The following PCDH11Y variants were observed in gnomAD, a reference collection of about 807,000 sequenced individuals.
PCDH11Y encodes the protein protocadherin 11 Y-linked.
For missense variants in PCDH11Y, 12 were observed against 224.8 expected (o/e 0.05, Z 6.05); for synonymous variants, 9 against 83.6 (o/e 0.11, Z 4.87).
chrY:5,729,080 T>C, intron 4 of PCDH11Y, among the ~76,000 whole-genome samples: 1 of 33,583 alleles, frequency 3.0e-5, no homozygotes, highest in African/African-American at 1.2e-4. Context: ...TGTGTCAACA[T>C]GCAAGTGCAT....
intron 2 of PCDH11Y, among the ~76,000 whole-genome samples, chrY:5,112,112 C>T (rs1299894640): frequency 3.0e-5 from 1 of 33,468 alleles, no homozygotes; most frequent in Non-Finnish European, 7.4e-5. Context: ...CATTATGCCT[C>T]GTTTCTAAAC....
At position 5,308,833 on chromosome Y, in the gene PCDH11Y, CA is replaced by C. The variant is rs776180263; in HGVS notation, c.3130-192223del. Among the ~76,000 whole-genome samples, 149 of 33,307 alleles carry C rather than the reference CA, an allele frequency of 4.5e-3. No individual in the cohort carries two copies. The East Asian group carries it at 0.065, about 15-fold the overall frequency. 89.4% of individuals were successfully genotyped at this position (33,307 alleles called of 37,273 possible). On this transcript the variant is annotated intron_variant, in intron 2 of 4. Coordinates refer to the PCDH11Y transcript ENST00000400457. ...CAGTGGCTAACGCCTGTAATCCCAG[CA>C]CTTTGGGAGGCTGAAGAGAATGAAT...
At chrY:5,575,696 G>A (rs2124696845) in intron 3 of PCDH11Y, among the ~76,000 whole-genome samples, 10 of 33,650 alleles carry the variant, frequency 3.0e-4, no homozygotes, top group Admixed American at 1.3e-3. Flanking sequence ...TCAAAGCTTC[G>A]AAATTGGGTA....
chrY:5,138,289 C>A, intron 2 of PCDH11Y, among the ~76,000 whole-genome samples: 1 of 32,949 alleles, frequency 3.0e-5, no homozygotes, highest in South Asian at 6.7e-4. Context: ...GCATTAAATG[C>A]TTACATCAAA....
intron 4 of PCDH11Y, among the ~76,000 whole-genome samples, chrY:5,613,319 T>C (rs2053490006): frequency 3.2e-5 from 1 of 31,628 alleles, no homozygotes; most frequent in South Asian, 7.1e-4. Context: ...CATTTCGCTA[T>C]TTTGCATATT....
intron 2 of PCDH11Y, among the ~76,000 whole-genome samples, chrY:5,132,464 C>T (rs2052835205): frequency 3.2e-5 from 1 of 31,406 alleles, no homozygotes; most frequent in African/African-American, 1.2e-4. Flanking sequence ...TTCACATATG[C>T]GGTGAAATGT....
At chrY:5,174,139 G>GATATAT (rs771513755) in intron 2 of PCDH11Y, among the ~76,000 whole-genome samples, 30 of 9,845 alleles carry the variant, frequency 3.0e-3, no homozygotes, top group East Asian at 9.1e-3. Flanking sequence ...ATACAAATGT[G>GATATAT]ATATATATAT....
At chrY:5,664,689 G>A in intron 4 of PCDH11Y, among the ~76,000 whole-genome samples, 1 of 28,111 alleles carries the variant, frequency 3.6e-5, no homozygotes, top group African/African-American at 1.4e-4. Context: ...TGTAAGCTCC[G>A]CTTCCCGGGT....
chrY:5,310,399 G>C, intron 2 of PCDH11Y, among the ~76,000 whole-genome samples: 2 of 33,118 alleles, frequency 6.0e-5, no homozygotes, highest in Admixed American at 5.7e-4. Context: ...GTCTAGTACA[G>C]TAACTAGTAG....
chrY:5,487,386 A>G (rs2053334954), intron 2 of PCDH11Y, among the ~76,000 whole-genome samples: 1 of 31,837 alleles, frequency 3.1e-5, no homozygotes, highest in African/African-American at 1.2e-4. Flanking sequence ...TTTAGTAGAG[A>G]CAGGGTTTCA....
intron 3 of PCDH11Y, among the ~76,000 whole-genome samples, chrY:5,033,563 C>T: frequency 6.0e-4 from 12 of 19,967 alleles, no homozygotes; most frequent in Non-Finnish European, 9.6e-4. Flanking sequence ...TAATGTAATA[C>T]GCTTAAAAAT....
intron 3 of PCDH11Y, among the ~76,000 whole-genome samples, chrY:5,562,210 T>C: frequency 3.0e-5 from 1 of 33,720 alleles, no homozygotes; most frequent in Admixed American, 2.7e-4. Flanking sequence ...TTACCAAGCT[T>C]AACAAGTGTT....
At chrY:5,620,721 T>A (rs2053498583) in intron 4 of PCDH11Y, among the ~76,000 whole-genome samples, 1 of 33,518 alleles carries the variant, frequency 3.0e-5, no homozygotes, top group South Asian at 6.8e-4. Context: ...CATGCTGGCT[T>A]CATCCCTGGG....
At chrY:5,694,739 G>A in intron 4 of PCDH11Y, among the ~76,000 whole-genome samples, 1 of 32,043 alleles carries the variant, frequency 3.1e-5, no homozygotes, top group Non-Finnish European at 7.7e-5. Context: ...TAAAGTGTGA[G>A]CTTATTATTC....
chrY:5,571,721 TG>T (rs2053439424), intron 3 of PCDH11Y, among the ~76,000 whole-genome samples: 1 of 21,132 alleles, frequency 4.7e-5, no homozygotes, highest in Non-Finnish European at 1.1e-4. Flanking sequence ...AACTTTATTA[TG>T]GGTATATAAT....
chrY:5,124,191 T>G, intron 2 of PCDH11Y, among the ~76,000 whole-genome samples: 1 of 33,636 alleles, frequency 3.0e-5, no homozygotes, highest in Non-Finnish European at 7.4e-5. Flanking sequence ...GTTAGGGCCA[T>G]GTTATTGACA....
At chrY:5,180,412 G>A in intron 2 of PCDH11Y, among the ~76,000 whole-genome samples, 1 of 33,769 alleles carries the variant, frequency 3.0e-5, no homozygotes, top group East Asian at 8.1e-4. Context: ...TGTTGAATTT[G>A]GGTGGAGATT....
chrY:5,270,506 C>CA (rs778159618), intron 2 of PCDH11Y, among the ~76,000 whole-genome samples: 28 of 7,401 alleles, frequency 3.8e-3, no homozygotes, highest in East Asian at 9.0e-3. Context: ...GACTCCATTA[C>CA]AAAAAAAAAA....
intron 1 of PCDH11Y, among the ~76,000 whole-genome samples, chrY:5,017,166 A>G: frequency 6.0e-5 from 2 of 33,329 alleles, no homozygotes; most frequent in Non-Finnish European, 1.5e-4. Context: ...TTTATCTTAC[A>G]TAGCTATCTT....
Sources: allele counts gnomAD v4.1 joint callset (sites outside exome capture counted in the v4.1 genomes callset), GRCh38; gene constraint gnomAD v4.1.1; transcripts MANE v1.5; gene names NCBI Gene and HGNC (gene_info 2026-07-23, HGNC 2026-07-21).